Variants in CMSS1 observed in about 807,000 individuals in gnomAD.
CMSS1 encodes the protein protein CMSS1.
A neutral mutation model predicts 43.5 loss-of-function variants in CMSS1; 33 were observed. That is an observed-to-expected ratio of 0.76 (90% confidence interval 0.57 to 1.01). The LOEUF is 1.01. Ranked by LOEUF, CMSS1 falls within the 50% of genes least tolerant of loss-of-function variation. The probability of loss-of-function intolerance (pLI) is 0.00; values close to 1 mark genes in which losing one functional copy is unlikely to be tolerated. For synonymous variants in CMSS1, 115 were observed against 117.2 expected (o/e 0.98, Z 0.12); for missense variants, 313 against 326.4 (o/e 0.96, Z 0.32).
chr3:100,176,783 A>G (rs1457046637), intron 9 of CMSS1, among the ~76,000 whole-genome samples: 2 of 152,142 alleles, frequency 1.3e-5, no homozygotes, highest in Non-Finnish European at 2.9e-5. Context: ...GGCTCGGGTT[A>G]GGGGAGCAGG....
chr3:99,880,878 G>A (rs759351012), intron 1 of CMSS1, among the ~76,000 whole-genome samples: 5 of 152,064 alleles, frequency 3.3e-5, no homozygotes, highest in Non-Finnish European at 7.4e-5. Context: ...GACCCTGTAT[G>A]TGTATGTATA....
At chr3:99,933,281 G>C (rs752757333) in intron 1 of CMSS1, among the ~76,000 whole-genome samples, 4 of 152,094 alleles carry the variant, frequency 2.6e-5, no homozygotes, top group African/African-American at 4.8e-5. Flanking sequence ...TTACAAATAC[G>C]GTATAGATGA....
intron 1 of CMSS1, among the ~76,000 whole-genome samples, chr3:99,825,925 A>T (rs562030921): frequency 6.6e-6 from 1 of 151,570 alleles, no homozygotes; most frequent in Non-Finnish European, 1.5e-5. Flanking sequence ...CTACAGGTGC[A>T]TGCCACCATG....
intron 1 of CMSS1, among the ~76,000 whole-genome samples, chr3:100,096,505 A>G (rs1318840885): frequency 2.0e-5 from 3 of 152,174 alleles, no homozygotes; most frequent in Non-Finnish European, 4.4e-5. Flanking sequence ...GAAATAAGCC[A>G]CGCACAAAAA....
chr3:100,166,518 G>A (rs1282311948), intron 5 of CMSS1, 124 bp downstream of exon 5: 1 of 642,940 alleles, frequency 1.6e-6, no homozygotes, highest in East Asian at 2.7e-5. Flanking sequence ...TAGGAATCCA[G>A]AGAATGGTGT....
chr3:100,114,583 C>A (rs2066540831), intron 1 of CMSS1: 1 of 185,502 alleles, frequency 5.4e-6, no homozygotes, highest in South Asian at 1.2e-4. Context: ...ACTCTTTGGC[C>A]AGCAACTCTG....
intron 1 of CMSS1, among the ~76,000 whole-genome samples, chr3:100,104,041 T>C (rs533522996): frequency 3.1e-4 from 47 of 152,306 alleles, no homozygotes; most frequent in African/African-American, 9.6e-4. Context: ...TGTCACCAAA[T>C]TGGGGCTTCT....
At chr3:99,854,703 G>A (rs793443) in intron 1 of CMSS1, among the ~76,000 whole-genome samples, 87,561 of 151,876 alleles carry the variant, frequency 0.58, 25,438 homozygotes, top group East Asian at 0.72. Context: ...GTCACCTCCA[G>A]TTGAGAACTA....
intron 1 of CMSS1, among the ~76,000 whole-genome samples, chr3:99,972,649 G>C (rs951757321): frequency 5.9e-5 from 9 of 152,136 alleles, no homozygotes; most frequent in African/African-American, 1.9e-4. Context: ...ATGAGCCCAT[G>C]TCACCACCCT....
At chr3:100,095,087 T>C (rs943317703) in intron 1 of CMSS1, among the ~76,000 whole-genome samples, 1 of 152,216 alleles carries the variant, frequency 6.6e-6, no homozygotes, top group Non-Finnish European at 1.5e-5. Context: ...TTCTTTTTCA[T>C]TGATCTATGT....
chr3:100,015,807 G>A (rs915069891), intron 1 of CMSS1, among the ~76,000 whole-genome samples: 12 of 152,276 alleles, frequency 7.9e-5, no homozygotes, highest in Non-Finnish European at 1.6e-4. Context: ...TAAATGAGAG[G>A]AGGGACTACT....
At chr3:99,993,835 T>C (rs1709595933) in intron 1 of CMSS1, among the ~76,000 whole-genome samples, 1 of 152,244 alleles carries the variant, frequency 6.6e-6, no homozygotes. Context: ...TACTTGATCA[T>C]GATATATTAT....
intron 1 of CMSS1, among the ~76,000 whole-genome samples, chr3:99,931,725 C>T (rs1294523857): frequency 6.6e-6 from 1 of 152,158 alleles, no homozygotes; most frequent in Admixed American, 6.5e-5. Flanking sequence ...AGCGGAGATA[C>T]TACTACCTAA....
intron 1 of CMSS1, among the ~76,000 whole-genome samples, chr3:99,858,630 A>G (rs1252149969): frequency 6.6e-6 from 1 of 152,218 alleles, no homozygotes; most frequent in Non-Finnish European, 1.5e-5. Context: ...TTAATTGAAG[A>G]CAGCTGTATC....
intron 1 of CMSS1, among the ~76,000 whole-genome samples, chr3:99,959,350 A>G (rs1708428008): frequency 6.6e-6 from 1 of 152,218 alleles, no homozygotes. Flanking sequence ...GGGTTTCGCC[A>G]TGCTGGCCAG....
chr3:100,039,515 A>G (rs2065165196), intron 1 of CMSS1, among the ~76,000 whole-genome samples: 1 of 152,214 alleles, frequency 6.6e-6, no homozygotes, highest in African/African-American at 2.4e-5. Context: ...AGATAGTGTA[A>G]GATTCAGTCT....
At chr3:99,854,104 C>A (rs912347163) in intron 1 of CMSS1, among the ~76,000 whole-genome samples, 4 of 152,112 alleles carry the variant, frequency 2.6e-5, no homozygotes, top group African/African-American at 9.7e-5. Flanking sequence ...TTATTTCTTG[C>A]CTTGTATCCA....
intron 1 of CMSS1, among the ~76,000 whole-genome samples, chr3:99,893,351 G>A (rs1360282641): frequency 6.6e-6 from 1 of 151,850 alleles, no homozygotes; most frequent in Non-Finnish European, 1.5e-5. Flanking sequence ...ATTTTTAGTG[G>A]AGACGGGGTT....
chr3:99,870,223 G>A (rs574080731), intron 1 of CMSS1, among the ~76,000 whole-genome samples: 53 of 152,328 alleles, frequency 3.5e-4, no homozygotes, highest in African/African-American at 1.3e-3. Flanking sequence ...GGCTCACCCA[G>A]TAAATGGATG....
Sources: allele counts gnomAD v4.1 joint callset (sites outside exome capture counted in the v4.1 genomes callset), GRCh38; gene constraint gnomAD v4.1.1; transcripts MANE v1.5; gene names NCBI Gene and HGNC (gene_info 2026-07-23, HGNC 2026-07-21).